The following MCTP1 variants were observed in gnomAD, a reference collection of about 807,000 sequenced individuals.
The protein encoded by MCTP1 is multiple C2 and transmembrane domain containing 1, also known as multiple C2 and transmembrane domain-containing protein 1.
A neutral mutation model predicts 120.6 loss-of-function variants in MCTP1; 69 were observed. The ratio of observed to expected loss-of-function variants is 0.57; its 90% confidence interval spans 0.47 to 0.70. The LOEUF is 0.70. MCTP1 is among the 30% of genes least tolerant of loss of function. MCTP1 has a pLI of 0.00. For synonymous variants in MCTP1, 529 were observed against 493.1 expected, an observed-to-expected ratio of 1.07 and a Z score of -0.96; for missense variants, 1,203 against 1,248.8, an observed-to-expected ratio of 0.96 and a Z score of 0.55.
intron 1 of MCTP1, among the ~76,000 whole-genome samples, chr5:95,142,145 T>C (rs73777309): frequency 0.017 from 2,546 of 152,304 alleles, 76 homozygotes; most frequent in African/African-American, 0.058. Context: ...CTAATGTTTC[T>C]AATGCAGGTC....
chr5:95,085,730 C>T (rs899757429), intron 1 of MCTP1, among the ~76,000 whole-genome samples: 2 of 152,032 alleles, frequency 1.3e-5, no homozygotes, highest in Non-Finnish European at 2.9e-5. Context: ...GAATTTTTGT[C>T]ACACCAAACT....
At chr5:94,845,886 A>C (rs535378482) in intron 17 of MCTP1, among the ~76,000 whole-genome samples, 1 of 152,260 alleles carries the variant, frequency 6.6e-6, no homozygotes, top group East Asian at 1.9e-4. Context: ...GTGGCCAAGA[A>C]GCATATGAGA....
chr5:95,021,332 T>C (rs1432476120), intron 1 of MCTP1, among the ~76,000 whole-genome samples: 1 of 152,050 alleles, frequency 6.6e-6, no homozygotes, highest in Non-Finnish European at 1.5e-5. Context: ...CAATAAATGT[T>C]AGCTATTGTC....
intron 2 of MCTP1, among the ~76,000 whole-genome samples, chr5:94,971,022 A>C (rs556611124): frequency 5.3e-5 from 8 of 151,998 alleles, no homozygotes; most frequent in Non-Finnish European, 1.0e-4. Flanking sequence ...TTTTCTTCTT[A>C]TTTGGATTCT....
intron 2 of MCTP1, among the ~76,000 whole-genome samples, chr5:94,969,651 T>C (rs1005548851): frequency 1.3e-5 from 2 of 152,096 alleles, no homozygotes; most frequent in African/African-American, 4.8e-5. Flanking sequence ...ACATATATTG[T>C]GGGGACAGTT....
At chr5:95,167,807 G>C (rs1395196838) in intron 1 of MCTP1, among the ~76,000 whole-genome samples, 1 of 152,190 alleles carries the variant, frequency 6.6e-6, no homozygotes, top group Non-Finnish European at 1.5e-5. Context: ...CCCTTTGTCA[G>C]ATGAGTAGAT....
chr5:95,022,684 C>T (rs1047000861), intron 1 of MCTP1, among the ~76,000 whole-genome samples: 2 of 152,254 alleles, frequency 1.3e-5, no homozygotes, highest in African/African-American at 4.8e-5. Flanking sequence ...TCTTCTCCTA[C>T]ACTCATGTAA....
chr5:94,941,663 T>C (rs770141044), intron 4 of MCTP1, among the ~76,000 whole-genome samples: 1 of 152,072 alleles, frequency 6.6e-6, no homozygotes, highest in Non-Finnish European at 1.5e-5. Flanking sequence ...TATTTCAGCA[T>C]GCATGATCTT....
intron 18 of MCTP1, chr5:94,793,363 G>A (rs1478536457): frequency 6.6e-6 from 1 of 152,018 alleles, no homozygotes; most frequent in Non-Finnish European, 1.5e-5. Context: ...GAAAACTAAA[G>A]GTCTGGTTCT....
chr5:95,183,491 A>G (rs1748847128), intron 1 of MCTP1, among the ~76,000 whole-genome samples: 1 of 151,972 alleles, frequency 6.6e-6, no homozygotes, highest in Non-Finnish European at 1.5e-5. Context: ...TCAAAATTAA[A>G]ACTTTTACTT....
intron 1 of MCTP1, among the ~76,000 whole-genome samples, chr5:95,171,579 G>A (rs1462797056): frequency 6.6e-6 from 1 of 152,132 alleles, no homozygotes; most frequent in African/African-American, 2.4e-5. Context: ...TTTTCGCATA[G>A]TCCCATATTT....
intron 1 of MCTP1, among the ~76,000 whole-genome samples, chr5:95,084,102 G>A (rs984481641): frequency 2.6e-5 from 4 of 152,278 alleles, no homozygotes; most frequent in Admixed American, 1.3e-4. Context: ...TTAGGTCTGG[G>A]AAAGGGATCT....
intron 17 of MCTP1, among the ~76,000 whole-genome samples, chr5:94,849,588 C>T (rs74535605): frequency 0.016 from 2,387 of 152,160 alleles, 43 homozygotes; most frequent in Non-Finnish European, 0.021. Flanking sequence ...CAGTGCCTGG[C>T]AGCTGAGTAG....
At position 94,784,566 on chromosome 5, in the gene MCTP1, G is replaced by A. The variant is rs111864239; in HGVS notation, c.2557-5403C>T. On this transcript the variant is annotated intron_variant, in intron 18 of 22. Coordinates refer to ENST00000515393, the MANE Select transcript of MCTP1 (RefSeq NM_024717.7). ...TAATTGTATACATAATTCACTCCAC[G>A]TTTGTAAGAATAATAAGATTCAATC... Among the ~76,000 whole-genome samples the A allele has an allele frequency of 8.9e-3, 1,346 of 152,042 alleles. 8 individuals are homozygous for A. Among genetic ancestry groups the A allele is most frequent in the Middle Eastern group, 0.034 (10 of 294 alleles).
intron 1 of MCTP1, among the ~76,000 whole-genome samples, chr5:95,024,302 C>T (rs1017257847): frequency 5.3e-5 from 8 of 152,032 alleles, no homozygotes; most frequent in Admixed American, 3.3e-4. Flanking sequence ...AGTCTAAAAA[C>T]GATATGGCAT....
chr5:95,205,686 A>G (rs1181573408), intron 1 of MCTP1, among the ~76,000 whole-genome samples: 3 of 152,174 alleles, frequency 2.0e-5, no homozygotes, highest in African/African-American at 7.2e-5. Flanking sequence ...AAGCTAAATA[A>G]TGTAAAAACT....
At chr5:94,999,643 A>G (rs930399077) in intron 2 of MCTP1, among the ~76,000 whole-genome samples, 3 of 152,220 alleles carry the variant, frequency 2.0e-5, no homozygotes, top group African/African-American at 4.8e-5. Flanking sequence ...TAATTAAACA[A>G]AGAAAATTTG....
chr5:94,958,241 C>A (rs369678310), intron 2 of MCTP1, among the ~76,000 whole-genome samples: 9 of 152,128 alleles, frequency 5.9e-5, no homozygotes, highest in Non-Finnish European at 8.8e-5. Context: ...ACACAACATA[C>A]CAGAACCTTT....
At chr5:95,235,932 C>G (rs889805758) in intron 1 of MCTP1, among the ~76,000 whole-genome samples, 4 of 152,134 alleles carry the variant, frequency 2.6e-5, no homozygotes, top group Non-Finnish European at 1.5e-5. Context: ...GTTTATGTCA[C>G]TAAGTTTAAT....
Sources: gnomAD v4.1 joint callset for allele counts (sites outside exome capture counted in the v4.1 genomes callset) on GRCh38, gnomAD v4.1.1 for gene constraint, MANE v1.5 for transcripts, NCBI Gene and HGNC (gene_info 2026-07-23, HGNC 2026-07-21) for gene names.